The following CDK6 variants were observed in gnomAD, a reference collection of about 807,000 sequenced individuals.
The protein encoded by CDK6 is cyclin-dependent kinase 6.
A neutral mutation model predicts 37.1 loss-of-function variants in CDK6; 6 were observed. The observed-to-expected ratio is 0.16, with a 90% CI of 0.09 to 0.32. The LOEUF is 0.32. Among genes scored for constraint, CDK6 ranks in the 10% least tolerant of loss-of-function variants. The pLI, the probability that CDK6 is intolerant of heterozygous loss-of-function variation, is 1.00. For missense variants in CDK6, 224 were observed against 418.9 expected, an observed-to-expected ratio of 0.53 and a Z score of 4.06; for synonymous variants, 160 against 161.3, an observed-to-expected ratio of 0.99 and a Z score of 0.06.
At chr7:92,720,577 T>C (rs1248797782) in intron 4 of CDK6, among the ~76,000 whole-genome samples, 1 of 152,170 alleles carries the variant, frequency 6.6e-6, no homozygotes, top group Non-Finnish European at 1.5e-5. Context: ...GCATCATAAA[T>C]GGGAAGACAA....
intron 2 of CDK6, among the ~76,000 whole-genome samples, chr7:92,785,376 CAAT>C (rs1760158299): frequency 6.6e-6 from 1 of 152,084 alleles, no homozygotes; most frequent in Admixed American, 6.6e-5. Flanking sequence ...TTGCCTGGGA[CAAT>C]GAGCAGTGGG....
chr7:92,622,532 T>G (rs1487066060), intron 6 of CDK6, among the ~76,000 whole-genome samples: 1 of 152,170 alleles, frequency 6.6e-6, no homozygotes, highest in Non-Finnish European at 1.5e-5. Flanking sequence ...TGCCAAAGAC[T>G]TAGGGTTCTC....
At chr7:92,616,909 A>G (rs1795694634) in intron 7 of CDK6, among the ~76,000 whole-genome samples, 1 of 152,180 alleles carries the variant, frequency 6.6e-6, no homozygotes, top group South Asian at 2.1e-4. Flanking sequence ...GTTAAAAAAA[A>G]GGTGTTTAAG....
chr7:92,634,268 C>A (rs1796120321), intron 5 of CDK6, among the ~76,000 whole-genome samples: 1 of 152,000 alleles, frequency 6.6e-6, no homozygotes, highest in Non-Finnish European at 1.5e-5. Context: ...TGACCAATTA[C>A]CCTATTCTCA....
intron 3 of CDK6, among the ~76,000 whole-genome samples, chr7:92,754,022 TG>T (rs1299533765): frequency 2.0e-5 from 3 of 152,188 alleles, no homozygotes; most frequent in Non-Finnish European, 4.4e-5. Context: ...TGTCATAGGA[TG>T]GGAACAGCCC....
rs117452432 is a variant in CDK6 at position 92,811,900 on chromosome 7, C to G, written c.233+21191G>C. On this transcript the variant is annotated intron_variant, in intron 2 of 7. Transcript: ENST00000424848. ...AGGCGCAGCAGCTCATGTCTGTAATCCCAGCACTTTGGGAGGCTAAGGCTG... is the reference window on the plus strand; with the variant it reads ...AGGCGCAGCAGCTCATGTCTGTAATGCCAGCACTTTGGGAGGCTAAGGCTG... Among the ~76,000 whole-genome samples the G allele has an allele frequency of 3.9e-5, 6 of 152,310 alleles. No individual in the cohort carries two copies. In the East Asian group the frequency reaches 1.2e-3, roughly 29 times the overall value.
intron 6 of CDK6, among the ~76,000 whole-genome samples, chr7:92,621,484 T>C (rs1267436390): frequency 6.6e-6 from 1 of 152,132 alleles, no homozygotes; most frequent in Non-Finnish European, 1.5e-5. Flanking sequence ...GTGCTGGAGG[T>C]AGACACAACT....
At chr7:92,808,521 T>C (rs1584109331) in intron 2 of CDK6, among the ~76,000 whole-genome samples, 1 of 152,256 alleles carries the variant, frequency 6.6e-6, no homozygotes, top group East Asian at 1.9e-4. Flanking sequence ...TCACTATTAA[T>C]TGGACAGGTA....
At position 92,835,797 on chromosome 7, in the gene CDK6, A is replaced by G. The variant is rs1052392173; in HGVS notation, c.-368+681T>C. ...CACGGACGGGCGCGCTGCGGGGACC[A>G]GGGCTGCTCACTGCGGGGCGTGTGT... On this transcript the variant is annotated intron_variant, in intron 1 of 7. Coordinates refer to ENST00000424848, the MANE Select transcript of CDK6 (RefSeq NM_001145306.2). This position sits in a 1 kb window ranked among gnomAD's most constrained non-coding sequence, Gnocchi z 4.2. 6.6e-6 allele frequency among the ~76,000 whole-genome samples: 1 copy of G among 152,374 alleles called. No homozygotes were observed. The highest frequency in any genetic ancestry group is 1.9e-4 in the East Asian group (1 of 5,180).
chr7:92,719,970 T>A (rs960109897), intron 4 of CDK6, among the ~76,000 whole-genome samples: 2 of 152,084 alleles, frequency 1.3e-5, no homozygotes, highest in African/African-American at 4.8e-5. Context: ...TGGACTTGGG[T>A]GATTTTAAGG....
chr7:92,819,590 C>T (rs1323874568), intron 2 of CDK6, among the ~76,000 whole-genome samples: 2 of 151,836 alleles, frequency 1.3e-5, no homozygotes, highest in Non-Finnish European at 2.9e-5. Context: ...GATCACCAGG[C>T]ATTTAAAAAA....
intron 5 of CDK6, among the ~76,000 whole-genome samples, chr7:92,627,719 G>A (rs1256798508): frequency 2.6e-5 from 4 of 151,770 alleles, no homozygotes; most frequent in African/African-American, 9.7e-5. Flanking sequence ...TGGTGGTAGT[G>A]GTACAACTCT....
chr7:92,753,660 TA>T (rs1268288325), intron 3 of CDK6, among the ~76,000 whole-genome samples: 1 of 152,066 alleles, frequency 6.6e-6, no homozygotes, highest in Non-Finnish European at 1.5e-5. Context: ...GCCCAGCTAG[TA>T]AGAAGACTAC....
intron 3 of CDK6, among the ~76,000 whole-genome samples, chr7:92,742,218 C>T (rs1798940778): frequency 6.6e-6 from 1 of 152,132 alleles, no homozygotes; most frequent in Admixed American, 6.5e-5. Context: ...AGTTTAAAGG[C>T]AAAATAACCA....
chr7:92,791,615 C>T (rs1215476175), intron 2 of CDK6, among the ~76,000 whole-genome samples: 1 of 151,962 alleles, frequency 6.6e-6, no homozygotes, highest in Non-Finnish European at 1.5e-5. Flanking sequence ...ACTCTCCAGC[C>T]CTAGAGGAAT....
chr7:92,704,397 G>C (rs1797923518), intron 4 of CDK6, among the ~76,000 whole-genome samples: 1 of 152,092 alleles, frequency 6.6e-6, no homozygotes, highest in Admixed American at 6.5e-5. Flanking sequence ...TGGGTGCTCA[G>C]AGCCCTCCTC....
At chr7:92,633,427 T>A (rs1224818037) in intron 5 of CDK6, among the ~76,000 whole-genome samples, 1 of 152,118 alleles carries the variant, frequency 6.6e-6, no homozygotes, top group Non-Finnish European at 1.5e-5. Context: ...CACATTGGGT[T>A]TGTGACAGAT....
At chr7:92,684,048 G>A (rs553168594) in intron 4 of CDK6, among the ~76,000 whole-genome samples, 17 of 152,314 alleles carry the variant, frequency 1.1e-4, no homozygotes, top group African/African-American at 4.1e-4. Flanking sequence ...CATTTGTAAA[G>A]CACAGAAGAT....
At chr7:92,747,944 G>T (rs1318580794) in intron 3 of CDK6, among the ~76,000 whole-genome samples, 3 of 152,090 alleles carry the variant, frequency 2.0e-5, no homozygotes, top group Non-Finnish European at 4.4e-5. Flanking sequence ...TCAAATATTA[G>T]AACATTCTAA....
Sources: gnomAD v4.1 joint callset for allele counts (sites outside exome capture counted in the v4.1 genomes callset) on GRCh38, gnomAD v4.1.1 for gene constraint, Gnocchi (gnomAD v3.1) non-coding constraint, MANE v1.5 for transcripts, NCBI Gene and HGNC (gene_info 2026-07-23, HGNC 2026-07-21) for gene names.